UGGT2: variants seen among roughly 807,000 people sequenced by gnomAD.
UGGT2 encodes the protein UDP-glucose:glycoprotein glucosyltransferase 2.
In UGGT2, 180 loss-of-function variants were observed where a neutral mutation model predicts 192.1. The observed-to-expected ratio is 0.94, with a 90% CI of 0.83 to 1.06. UGGT2 has a LOEUF of 1.06. Among genes scored for constraint, UGGT2 ranks in the 50% least tolerant of loss-of-function variants. The pLI, the probability that UGGT2 is intolerant of heterozygous loss-of-function variation, is 0.00. For synonymous variants in UGGT2, 580 were observed against 591.0 expected (o/e 0.98, Z 0.27); for missense variants, 1,849 against 1,795.7 (o/e 1.03, Z -0.54).
intron 27 of UGGT2, among the ~76,000 whole-genome samples, chr13:95,881,286 G>A (rs947364487): frequency 2.1e-4 from 32 of 152,130 alleles, no homozygotes; most frequent in African/African-American, 7.5e-4. Flanking sequence ...AATCCCTTGT[G>A]GATTAAGGGA....
chr13:95,895,033 G>T, intron 23 of UGGT2, 147 bp downstream of exon 23: 1 of 756,484 alleles, frequency 1.3e-6, no homozygotes, highest in Non-Finnish European at 2.0e-6. Context: ...GTAAATGGAT[G>T]CCTTTTATTA....
intron 20 of UGGT2, among the ~76,000 whole-genome samples, chr13:95,906,998 T>G (rs189060637): frequency 6.6e-6 from 1 of 152,322 alleles, no homozygotes; most frequent in African/African-American, 2.4e-5. Context: ...GGAATTTCCC[T>G]TTCCTAGCCA....
chr13:95,817,304 A>G (rs867674238), intron 38 of UGGT2, among the ~76,000 whole-genome samples: 41 of 151,970 alleles, frequency 2.7e-4, no homozygotes, highest in African/African-American at 9.9e-4. Context: ...AAAAGGAAAG[A>G]TCACGTGCAG....
chr13:95,882,565 G>A (rs1363006114), intron 27 of UGGT2, among the ~76,000 whole-genome samples: 1 of 152,102 alleles, frequency 6.6e-6, no homozygotes, highest in African/African-American at 2.4e-5. Context: ...GAGCCTGAGG[G>A]GTAGTTAACT....
rs532284692 is a variant in UGGT2, at chr13:96,023,581, T to C, written c.372+48A>G. The C allele has an allele frequency of 2.5e-5, 40 of 1,570,968 alleles. No individual in the cohort carries two copies. In the East Asian group the frequency reaches 5.2e-4, roughly 20 times the overall value. ...TTCATATTAAAGAACTCTATGTACA[T>C]TGCTAGCGTGCCTCTTTGTCAAATA... is the stretch of plus-strand genomic sequence containing the variant. On this transcript the variant is annotated intron_variant, in intron 3 of 38. Coordinates refer to ENST00000376747, the MANE Select transcript of UGGT2 (RefSeq NM_020121.4).
intron 20 of UGGT2, among the ~76,000 whole-genome samples, chr13:95,905,040 T>A (rs1450464174): frequency 6.6e-6 from 1 of 152,034 alleles, no homozygotes; most frequent in Non-Finnish European, 1.5e-5. Context: ...ATTTCTCTGA[T>A]GGCCAGTGAT....
At chr13:95,888,540 A>G (rs1324888684) in intron 25 of UGGT2, among the ~76,000 whole-genome samples, 1 of 152,190 alleles carries the variant, frequency 6.6e-6, no homozygotes, top group Admixed American at 6.5e-5. Flanking sequence ...AGAAGTAACG[A>G]AACAGATATA....
Position 95,859,638 on chromosome 13 carries a change from G to A in UGGT2, c.3778C>T (p.Pro1260Ser). 7 of 1,610,214 alleles carry A rather than the reference G, an allele frequency of 4.3e-6. No homozygotes were observed. Among genetic ancestry groups the A allele is most frequent in the Non-Finnish European group, 5.9e-6 (7 of 1,177,924 alleles). The change falls in exon 33 of 39, where the codon CCA (proline) becomes TCA (serine). Residue 1260 changes from proline to serine, a missense_variant. Transcript: ENST00000376747. Reference protein sequence around the residue: ...MLSVLRNTKTPVKFWLLKNYL... With the variant: ...MLSVLRNTKTSVKFWLLKNYL... ...TTTTTTAGCAACCAGAATTTCACTG[G>A]TGTTTTGGTGTTACGCAAAACAGAA...
chr13:95,886,602 T>C (rs1261303610), intron 26 of UGGT2, among the ~76,000 whole-genome samples: 1 of 152,174 alleles, frequency 6.6e-6, no homozygotes, highest in Non-Finnish European at 1.5e-5. Flanking sequence ...AAATTTAAAA[T>C]ACAAAAGATA....
At chr13:95,839,097 G>A (rs1566570717) in intron 36 of UGGT2, among the ~76,000 whole-genome samples, 1 of 151,954 alleles carries the variant, frequency 6.6e-6, no homozygotes, top group African/African-American at 2.4e-5. Flanking sequence ...CTCAATCTCT[G>A]TAACTGTTCT....
chr13:95,936,511 C>T (rs1311969714), intron 17 of UGGT2, among the ~76,000 whole-genome samples: 3 of 152,332 alleles, frequency 2.0e-5, no homozygotes. Flanking sequence ...GCTGAGCAGG[C>T]CTGCCTACAG....
intron 10 of UGGT2, among the ~76,000 whole-genome samples, chr13:95,975,985 T>A (rs2050925298): frequency 6.6e-6 from 1 of 152,098 alleles, no homozygotes; most frequent in South Asian, 2.1e-4. Flanking sequence ...AATCCACTCT[T>A]CCAGTTAAAG....
chr13:95,863,789 A>G (rs1594179113), intron 30 of UGGT2, 75 bp from the exon 31 acceptor site: 1 of 1,113,070 alleles, frequency 9.0e-7, no homozygotes, highest in East Asian at 2.4e-5. Flanking sequence ...AGTGAAACAT[A>G]TTGGGCGAGA....
At chr13:96,050,261 A>G (rs1227919933) in intron 1 of UGGT2, among the ~76,000 whole-genome samples, 1 of 152,232 alleles carries the variant, frequency 6.6e-6, no homozygotes, top group East Asian at 1.9e-4. Context: ...TGGTGCTGGA[A>G]AAACTGGCTA....
At chr13:96,002,002 C>G (rs1288923695) in intron 5 of UGGT2, among the ~76,000 whole-genome samples, 3 of 152,178 alleles carry the variant, frequency 2.0e-5, no homozygotes, top group African/African-American at 7.2e-5. Flanking sequence ...TGTTAATTGA[C>G]TGTTTCTGTT....
chr13:95,983,901 TA>T, intron 9 of UGGT2, 37 bp from the exon 10 acceptor site: 1 of 1,419,000 alleles, frequency 7.0e-7, no homozygotes, highest in Non-Finnish European at 9.6e-7. Flanking sequence ...GATCCTTCCT[TA>T]AATGTTTAGA....
chr13:95,827,157 G>A (rs1033516588), intron 38 of UGGT2, among the ~76,000 whole-genome samples: 22 of 152,026 alleles, frequency 1.4e-4, no homozygotes, highest in African/African-American at 4.6e-4. Context: ...CAAGAACAGC[G>A]GAAGAAATAC....
intron 15 of UGGT2, among the ~76,000 whole-genome samples, chr13:95,941,033 C>T: frequency 6.6e-6 from 1 of 152,104 alleles, no homozygotes; most frequent in Non-Finnish European, 1.5e-5. Context: ...ACTTAGAGAT[C>T]CTCTATGACC....
chr13:95,809,214 A>C, intron 38 of UGGT2: 1 of 535,272 alleles, frequency 1.9e-6, no homozygotes, highest in Non-Finnish European at 3.3e-6. Context: ...GCTACTAAAA[A>C]ACTTGCATTT....
Sources: gnomAD v4.1 joint callset for allele counts (sites outside exome capture counted in the v4.1 genomes callset) on GRCh38, gnomAD v4.1.1 for gene constraint, MANE v1.5 for transcripts, NCBI Gene and HGNC (gene_info 2026-07-23, HGNC 2026-07-21) for gene names.